The following TNIK variants were observed in gnomAD, a reference collection of about 807,000 sequenced individuals.
TNIK encodes TRAF2 and NCK interacting kinase.
TNIK carries 49 observed loss-of-function variants against 191.3 expected under a neutral mutation model. The observed-to-expected ratio is 0.26, with a 90% CI of 0.20 to 0.32. The LOEUF is 0.32. Among genes scored for constraint, TNIK ranks in the 10% least tolerant of loss-of-function variants. TNIK has a pLI of 1.00. For missense variants in TNIK, 1,155 were observed against 1,702.3 expected (o/e 0.68, Z 5.66); for synonymous variants, 594 against 600.9 (o/e 0.99, Z 0.17).
chr3:171,422,955 C>T (rs758082871), intron 1 of TNIK, among the ~76,000 whole-genome samples: 3 of 152,154 alleles, frequency 2.0e-5, no homozygotes, highest in Non-Finnish European at 2.9e-5. Flanking sequence ...CCATTTTAAG[C>T]CCAGGTTGAA....
intron 9 of TNIK, among the ~76,000 whole-genome samples, chr3:171,171,665 A>G (rs1735300204): frequency 6.6e-6 from 1 of 152,224 alleles, no homozygotes; most frequent in Admixed American, 6.5e-5. Flanking sequence ...CCTTCTCCAG[A>G]AAGTCCTGGA....
intron 2 of TNIK, among the ~76,000 whole-genome samples, chr3:171,230,765 A>G (rs907883965): frequency 1.1e-4 from 16 of 152,098 alleles, no homozygotes; most frequent in Non-Finnish European, 2.1e-4. Flanking sequence ...ATCAATGAAC[A>G]TGTCCCTGTG....
chr3:171,340,913 A>G (rs895457533), intron 2 of TNIK, among the ~76,000 whole-genome samples: 1 of 152,132 alleles, frequency 6.6e-6, no homozygotes, highest in African/African-American at 2.4e-5. Flanking sequence ...AGGGAAAAAA[A>G]AAAAGCCTAC....
intron 22 of TNIK, among the ~76,000 whole-genome samples, chr3:171,097,682 GC>G (rs954950787): frequency 2.6e-5 from 4 of 152,250 alleles, no homozygotes; most frequent in South Asian, 2.1e-4. Context: ...TGATTGTGAG[GC>G]CCCCCTAGCC....
intron 2 of TNIK, among the ~76,000 whole-genome samples, chr3:171,342,801 G>A (rs1399234002): frequency 6.6e-6 from 1 of 152,150 alleles, no homozygotes; most frequent in Non-Finnish European, 1.5e-5. Context: ...ATCTCATATT[G>A]AATTGTAGCT....
intron 28 of TNIK, among the ~76,000 whole-genome samples, chr3:171,073,544 G>A (rs1395152187): frequency 6.6e-6 from 1 of 152,102 alleles, no homozygotes; most frequent in Non-Finnish European, 1.5e-5. Flanking sequence ...ATAAGCTAAT[G>A]AGCTTCTGTG....
At chr3:171,351,579 G>T (rs1559961895) in intron 2 of TNIK, among the ~76,000 whole-genome samples, 1 of 152,276 alleles carries the variant, frequency 6.6e-6, no homozygotes, top group East Asian at 1.9e-4. Context: ...ACCAGAGAAA[G>T]TTCCAAAATA....
At chr3:171,066,376 A>G in intron 31 of TNIK, 50 bp from the exon 32 acceptor site, 2 of 1,609,424 alleles carry the variant, frequency 1.2e-6, no homozygotes, top group Non-Finnish European at 8.5e-7. Flanking sequence ...GATGGGCAAT[A>G]ACTCACAGCA....
rs59314303 is a variant in TNIK at position 171,292,775 on chromosome 3, C to CAAAAAA, written c.124-64560_124-64555dup. On this transcript the variant is annotated intron_variant, in intron 2 of 32. Transcript: ENST00000436636. ...TGGGCAACAGAGCAAGACTCCATCT[C>CAAAAAA]AAAAAAAAAAAAAAAAAAAAGAATC... Among the ~76,000 whole-genome samples the CAAAAAA allele has an allele frequency of 3.6e-3, 304 of 84,988 alleles. 5 individuals carry two copies. Among genetic ancestry groups the CAAAAAA allele is most frequent in the Middle Eastern group, 6.8e-3 (1 of 148 alleles). The allele number at this position is 84,988 out of a possible 152,430, so 55.8% of individuals were successfully genotyped here. A position where few individuals can be genotyped will look rare whatever the true frequency, so the allele number is the denominator to read the frequency against.
At chr3:171,123,465 A>T in intron 18 of TNIK, 131 bp downstream of exon 18, 3 of 606,802 alleles carry the variant, frequency 4.9e-6, no homozygotes, top group South Asian at 3.1e-5. Context: ...TGGACCATCA[A>T]CGTTTATAGT....
chr3:171,094,894 G>A (rs1203997934), intron 22 of TNIK, among the ~76,000 whole-genome samples: 1 of 151,968 alleles, frequency 6.6e-6, no homozygotes, highest in Non-Finnish European at 1.5e-5. Context: ...TGATGGCAGA[G>A]TCCTTGTCTC....
At chr3:171,277,983 A>C (rs1401712356) in intron 2 of TNIK, among the ~76,000 whole-genome samples, 1 of 152,196 alleles carries the variant, frequency 6.6e-6, no homozygotes, top group African/African-American at 2.4e-5. Context: ...AGCCATGATC[A>C]TGCCACTGCA....
chr3:171,376,964 C>G (rs1303431383), intron 1 of TNIK, among the ~76,000 whole-genome samples: 1 of 152,130 alleles, frequency 6.6e-6, no homozygotes, highest in Non-Finnish European at 1.5e-5. Context: ...CCTCATATTC[C>G]AGTTTTCTTC....
Position 171,085,651 on chromosome 3 carries a change from A to G in TNIK, c.2887-422T>C, listed in dbSNP as rs147316364. Among the ~76,000 whole-genome samples the G allele has an allele frequency of 3.9e-3, 591 of 152,354 alleles. 13 individuals are homozygous for G. The highest frequency in any genetic ancestry group is 0.029 in the Admixed American group (449 of 15,300). ...TATACAGCAGTACTTTATCCTGAAC[A>G]GAGTCAAACCAAGGGGCTTTCTCTT... On this transcript the variant is annotated intron_variant, in intron 24 of 32. Transcript: ENST00000436636.
chr3:171,095,665 C>T (rs1722615088), intron 22 of TNIK, among the ~76,000 whole-genome samples: 1 of 151,830 alleles, frequency 6.6e-6, no homozygotes. Flanking sequence ...GTCTCTGGGG[C>T]AGAGAAAGAC....
intron 22 of TNIK, among the ~76,000 whole-genome samples, chr3:171,099,742 A>G (rs1723192788): frequency 6.6e-6 from 1 of 152,174 alleles, no homozygotes; most frequent in Non-Finnish European, 1.5e-5. Context: ...AGGAAATGCC[A>G]GACAGAAGTG....
chr3:171,128,659 T>G, intron 16 of TNIK, 55 bp downstream of exon 16: 1 of 1,546,038 alleles, frequency 6.5e-7, no homozygotes, highest in Non-Finnish European at 8.7e-7. Context: ...CTTTTAATAA[T>G]AGGTTTTCTT....
chr3:171,426,290 C>T (rs1367607484), intron 1 of TNIK, among the ~76,000 whole-genome samples: 1 of 151,456 alleles, frequency 6.6e-6, no homozygotes, highest in African/African-American at 2.4e-5. Flanking sequence ...TCATTCTCAG[C>T]AAACTATCGC....
intron 3 of TNIK, among the ~76,000 whole-genome samples, chr3:171,215,526 G>A (rs1741352805): frequency 6.6e-6 from 1 of 152,100 alleles, no homozygotes; most frequent in South Asian, 2.1e-4. Flanking sequence ...TGACTCCAAA[G>A]CCAGTATTCT....
Sources: allele counts gnomAD v4.1 joint callset (sites outside exome capture counted in the v4.1 genomes callset), GRCh38; gene constraint gnomAD v4.1.1; transcripts MANE v1.5; gene names NCBI Gene and HGNC (gene_info 2026-07-23, HGNC 2026-07-21).